CCDC80: variants seen among roughly 807,000 people sequenced by gnomAD.
The protein encoded by CCDC80 is coiled-coil domain-containing protein 80.
In CCDC80, 49 loss-of-function variants were observed where a neutral mutation model predicts 78.7. That is an observed-to-expected ratio of 0.62 (90% CI 0.50 to 0.79). The LOEUF is 0.79. CCDC80 is among the 30% of genes least tolerant of loss of function. The pLI, the probability that CCDC80 is intolerant of heterozygous loss-of-function variation, is 0.00. For synonymous variants in CCDC80, 488 were observed against 447.0 expected (o/e 1.09, Z -1.16); for missense variants, 1,205 against 1,198.6 (o/e 1.01, Z -0.08).
At position 112,638,239 on chromosome 3, in the gene CCDC80, T is replaced by C. The variant is rs1216511327; in HGVS notation, c.1667A>G (p.Asn556Ser). The C allele has an allele frequency of 1.2e-6, 2 of 1,612,838 alleles. No homozygotes were observed. Among genetic ancestry groups the C allele is most frequent in the Non-Finnish European group, 8.5e-7 (1 of 1,178,884 alleles). Reference sequence around the variant, plus strand: ...CTTAAGTAACTTGTCTGCGTTCTCATTCTTCATCTTTTTTTTCTTCTCCTT... The same window carrying C: ...CTTAAGTAACTTGTCTGCGTTCTCACTCTTCATCTTTTTTTTCTTCTCCTT... ...PEKEKKKKMK[N>S]ENADKLLKSE... Residue 556 changes from asparagine (N) to serine (S), a missense_variant, in exon 2 of 8, where the codon AAT becomes AGT. Physicochemically the swap from Asn to Ser is conservative, Grantham distance 46. Coordinates refer to ENST00000206423, the MANE Select transcript of CCDC80 (RefSeq NM_199511.3).
rs1291317199 is a variant in CCDC80, at chr3:112,599,504, GAAAGA to G, written c.*5908_*5912del. ...TAAAGGACAGCCAAGGAAGAGAAAG[GAAAGA>G]AAAGCAATCCGGCAGGGAGATCAGG... On this transcript the variant is annotated 3_prime_UTR_variant, in exon 8 of 8. Transcript: ENST00000206423. The G allele has an allele frequency of 6.6e-6, 1 of 151,546 alleles. No individual in the cohort carries two copies. Among genetic ancestry groups the G allele is most frequent in the Non-Finnish European group, 1.5e-5 (1 of 68,224 alleles). The allele number at this position is 151,546 out of a possible 1,614,324, so 9.4% of individuals were successfully genotyped here.
intron 5 of CCDC80, among the ~76,000 whole-genome samples, chr3:112,610,632 A>G (rs1024733596): frequency 5.3e-5 from 8 of 152,184 alleles, no homozygotes; most frequent in Non-Finnish European, 7.4e-5. Flanking sequence ...AACCCTATGT[A>G]CCTTCCTCAG....
In CCDC80 at chr3:112,639,231, G is replaced by A. The variant is rs780130543; in HGVS notation, c.675C>T (p.Phe225=). The A allele has an allele frequency of 1.2e-6, 2 of 1,614,118 alleles. No individual in the cohort carries two copies. The highest frequency in any genetic ancestry group is 8.5e-7 in the Non-Finnish European group (1 of 1,180,026). Reference sequence around the variant, plus strand: ...CAAACTTGCCCTTCTCCAGCTTCAGGAAGCTCATCAGCTTAGGGATGAGGC... The same window carrying A: ...CAAACTTGCCCTTCTCCAGCTTCAGAAAGCTCATCAGCTTAGGGATGAGGC... ...DPSLIPKLMS[F]LKLEKGKFGM... is the part of the protein sequence containing the mutation. Residue 225 remains phenylalanine, a synonymous_variant, in exon 2 of 8, where the codon TTC becomes TTT. Coordinates refer to ENST00000206423, the MANE Select transcript of CCDC80 (RefSeq NM_199511.3).
intron 3 of CCDC80, among the ~76,000 whole-genome samples, chr3:112,628,434 C>T (rs1164670011): frequency 6.6e-6 from 1 of 152,170 alleles, no homozygotes; most frequent in East Asian, 1.9e-4. Context: ...TGTGACAGCT[C>T]ATTGATTTCC....
intron 5 of CCDC80, chr3:112,610,345 T>C (rs1442842108): frequency 2.2e-6 from 1 of 462,020 alleles, no homozygotes; most frequent in Non-Finnish European, 4.0e-6. Flanking sequence ...CAATGCCTAA[T>C]GAGGTCACTT....
Position 112,600,457 on chromosome 3 carries a change from T to C in CCDC80, c.*4960A>G, listed in dbSNP as rs1309769005. ...TATTCTGAGAGTAAATTTTCTATTA[T>C]TCCTATCTAATTCATTTTCTTGGGA... On this transcript the variant is annotated 3_prime_UTR_variant, in exon 8 of 8. Transcript: ENST00000206423. 2 of 152,134 alleles carry C rather than the reference T, an allele frequency of 1.3e-5. No individual in the cohort carries two copies. Among genetic ancestry groups the C allele is most frequent in the African/African-American group, 4.8e-5 (2 of 41,420 alleles). The allele number at this position is 152,134 out of a possible 1,614,324, so 9.4% of individuals were successfully genotyped here.
rs760758784 is a variant in CCDC80, at chr3:112,610,026, C to G, written c.2377G>C (p.Ala793Pro). Residue 793 changes from alanine (A) to proline (P), a missense_variant, in exon 6 of 8, where the codon GCC (alanine) becomes CCC (proline). Coordinates refer to ENST00000206423, the MANE Select transcript of CCDC80 (RefSeq NM_199511.3). ...AGGGCAGAGAGCTGCTGTGAATAGG[C>G]CCAGTCTTCATCGTTAGGAGCAGAG... ...VISAPNDEDW[A>P]YSQQLSALSG... The G allele has an allele frequency of 5.0e-6, 8 of 1,613,856 alleles. No individual in the cohort carries two copies. In the African/African-American group the frequency reaches 1.1e-4, roughly 22 times the overall value.
intron 6 of CCDC80, among the ~76,000 whole-genome samples, chr3:112,607,838 A>G (rs1935546273): frequency 6.6e-6 from 1 of 152,220 alleles, no homozygotes; most frequent in African/African-American, 2.4e-5. Flanking sequence ...GAGCTGATCT[A>G]AGCTAGTTAG....
chr3:112,610,491 G>T (rs1158876894), intron 5 of CCDC80, among the ~76,000 whole-genome samples: 2 of 152,152 alleles, frequency 1.3e-5, no homozygotes, highest in Admixed American at 6.5e-5. Context: ...TTTAGAGGGG[G>T]TTAAGAAATG....
At chr3:112,622,400 C>T (rs549225457) in intron 3 of CCDC80, among the ~76,000 whole-genome samples, 6 of 152,296 alleles carry the variant, frequency 3.9e-5, no homozygotes, top group African/African-American at 1.4e-4. Context: ...GTGGTGGCAA[C>T]TCTACAGAAG....
At chr3:112,613,656 C>G (rs1221928632) in intron 5 of CCDC80, among the ~76,000 whole-genome samples, 1 of 152,056 alleles carries the variant, frequency 6.6e-6, no homozygotes, top group Non-Finnish European at 1.5e-5. Flanking sequence ...TGAGAAGAAT[C>G]TCTGAGGATG....
chr3:112,628,675 C>T (rs1314992475), intron 3 of CCDC80, among the ~76,000 whole-genome samples: 3 of 152,088 alleles, frequency 2.0e-5, no homozygotes, highest in African/African-American at 7.2e-5. Flanking sequence ...TTTGTATGAT[C>T]ATTATTGTTG....
intron 1 of CCDC80, 23 bp downstream of exon 1, chr3:112,640,304 G>A (rs1936316304): frequency 5.4e-6 from 1 of 185,748 alleles, no homozygotes; most frequent in African/African-American, 2.4e-5. Flanking sequence ...ACAGATCAAA[G>A]ACAGAAAAGA....
intron 2 of CCDC80, among the ~76,000 whole-genome samples, chr3:112,632,634 T>C (rs910338844): frequency 6.6e-6 from 1 of 152,152 alleles, no homozygotes. Flanking sequence ...CACAGAACCT[T>C]ATCCTCCCCT....
chr3:112,612,224 G>C (rs13095000), intron 5 of CCDC80, among the ~76,000 whole-genome samples: 10 of 152,218 alleles, frequency 6.6e-5, no homozygotes, highest in Non-Finnish European at 1.3e-4. Context: ...TACTTCTCCT[G>C]CTTCCTTAGG....
In CCDC80 at chr3:112,631,584, C is replaced by T. The variant is rs915865964; in HGVS notation, c.1879-1315G>A. On this transcript the variant is annotated intron_variant, in intron 2 of 7. Transcript: ENST00000206423. Reference sequence around the variant, plus strand: ...TGTATCAACCAACTTTCTATTTATCCGCCTAAACTTATAAACTATTTCCGA... The same window carrying T: ...TGTATCAACCAACTTTCTATTTATCTGCCTAAACTTATAAACTATTTCCGA... Among the ~76,000 whole-genome samples the T allele has an allele frequency of 5.9e-5, 9 of 152,234 alleles. No homozygotes were observed. The South Asian group carries it at 1.2e-3, about 21-fold the overall frequency.
Position 112,601,643 on chromosome 3 carries a change from C to G in CCDC80, c.*3774G>C, listed in dbSNP as rs1935375406. 6.9e-6 allele frequency: 1 copy of G among 144,364 alleles called. No individual in the cohort carries two copies. The highest frequency in any genetic ancestry group is 7.0e-5 in the Admixed American group (1 of 14,372). 8.9% of individuals were successfully genotyped at this position (144,364 alleles called of 1,614,324 possible). A position where few individuals can be genotyped will look rare whatever the true frequency, so the allele number is the denominator to read the frequency against. On this transcript the variant is annotated 3_prime_UTR_variant, in exon 8 of 8. Coordinates refer to ENST00000206423, the MANE Select transcript of CCDC80 (RefSeq NM_199511.3). ...GCAGTGAGCCAAGATTGCACTACTG[C>G]ACTGCAGCCTGGGTGACAGAGTGAG... is the stretch of plus-strand genomic sequence containing the variant.
Position 112,618,295 on chromosome 3 carries a change from C to T in CCDC80, c.2172+673G>A, listed in dbSNP as rs146308415. Among the ~76,000 whole-genome samples, 1,090 of 152,230 alleles carry T rather than the reference C, an allele frequency of 7.2e-3. 14 individuals carry two copies. The highest frequency in any genetic ancestry group is 0.019 in the South Asian group (94 of 4,826). The stretch of plus-strand genomic sequence containing the variant: ...CAGCACTTTGGGAGGCCGAGGCAGG[C>T]AGATCACGAGGTCAGGAGATCGAGA... On this transcript the variant is annotated intron_variant, in intron 4 of 7. Transcript: ENST00000206423.
intron 5 of CCDC80, among the ~76,000 whole-genome samples, chr3:112,610,769 AAT>A (rs891238443): frequency 6.6e-6 from 1 of 152,124 alleles, no homozygotes; most frequent in African/African-American, 2.4e-5. Context: ...AAGATTTTAG[AAT>A]ATATAGTAAA....
Sources: gnomAD v4.1 joint callset for allele counts (sites outside exome capture counted in the v4.1 genomes callset) on GRCh38, gnomAD v4.1.1 for gene constraint, MANE v1.5 for transcripts, NCBI Gene and HGNC (gene_info 2026-07-23, HGNC 2026-07-21) for gene names.